Variants in KRT79 observed in about 807,000 individuals in gnomAD.
KRT79 encodes the protein keratin, type II cytoskeletal 79.
In KRT79, 51 loss-of-function variants were observed where a neutral mutation model predicts 49.0. That is an observed-to-expected ratio of 1.04 (90% CI 0.83 to 1.31). The LOEUF (loss-of-function observed/expected upper bound fraction) is 1.31, where lower values mean the gene tolerates loss of function less well. Among genes scored for constraint, KRT79 ranks in the 40% most tolerant of loss-of-function variants. The pLI, the probability that KRT79 is intolerant of heterozygous loss-of-function variation, is 0.00. For synonymous variants in KRT79, 312 were observed against 286.6 expected, an observed-to-expected ratio of 1.09 and a Z score of -0.90; for missense variants, 728 against 688.0, an observed-to-expected ratio of 1.06 and a Z score of -0.65.
intron 4 of KRT79, among the ~76,000 whole-genome samples, chr12:52,825,262 A>G (rs1940160758): frequency 6.6e-6 from 1 of 152,196 alleles, no homozygotes; most frequent in African/African-American, 2.4e-5. Context: ...GCTCCCTGAT[A>G]GGTGGAGAAC....
intron 4 of KRT79, among the ~76,000 whole-genome samples, 155 bp from the exon 5 acceptor site, chr12:52,824,517 G>C (rs1338058150): frequency 6.6e-6 from 1 of 152,190 alleles, no homozygotes; most frequent in Non-Finnish European, 1.5e-5. Flanking sequence ...GCAAGGAAAG[G>C]CCTCAGTCTC....
chr12:52,831,905 T>C (rs1940262032), intron 1 of KRT79, among the ~76,000 whole-genome samples: 1 of 152,254 alleles, frequency 6.6e-6, no homozygotes, highest in Non-Finnish European at 1.5e-5. Context: ...ATCATTTCTC[T>C]CTGAGTCTCC....
rs1397258802 is a variant in KRT79 at position 52,821,583 on chromosome 12, G to T, written c.*289C>A. 3 of 450,882 alleles carry T rather than the reference G, an allele frequency of 6.7e-6. No homozygotes were observed. Among genetic ancestry groups the T allele is most frequent in the African/African-American group, 5.9e-5 (3 of 50,424 alleles). The allele number at this position is 450,882 out of a possible 1,614,324, so 27.9% of individuals were successfully genotyped here. A position where few individuals can be genotyped will look rare whatever the true frequency, so the allele number is the denominator to read the frequency against. The stretch of plus-strand genomic sequence containing the variant: ...CTCCCAATTTCTCTCTCTCCTAATG[G>T]CTTGAGAAATTCAGCCTCCTCTCGG... On this transcript the variant is annotated 3_prime_UTR_variant, in exon 9 of 9. Coordinates refer to ENST00000330553, the MANE Select transcript of KRT79 (RefSeq NM_175834.3).
chr12:52,825,768 T>C (rs1003295724), intron 4 of KRT79, among the ~76,000 whole-genome samples: 3 of 152,168 alleles, frequency 2.0e-5, no homozygotes, highest in Admixed American at 2.0e-4. Context: ...GTTTTGGAGA[T>C]AGACAAGCCT....
rs1302815346 is a variant in KRT79, at chr12:52,833,859, C to A, written c.402G>T (p.Glu134Asp). Residue 134 changes from glutamate (E) to aspartate (D), a missense_variant, in exon 1 of 9, where the codon GAG becomes GAT. Glu to Asp is a conservative substitution (Grantham distance 45, BLOSUM62 2). Coordinates refer to ENST00000330553, the MANE Select transcript of KRT79 (RefSeq NM_175834.3). ...LTPLHVEIDP[E>D]IQRVRTQERE... ...GCTCCTGAGTGCGCACTCGCTGGATCTCGGGGTCAATCTCCACATGGAGGG... is the reference window on the plus strand; with the variant it reads ...GCTCCTGAGTGCGCACTCGCTGGATATCGGGGTCAATCTCCACATGGAGGG... The A allele has an allele frequency of 6.2e-7, 1 of 1,613,874 alleles. No individual in the cohort carries two copies. Among genetic ancestry groups the A allele is most frequent in the East Asian group, 2.2e-5 (1 of 44,850 alleles).
rs972129173 is a variant in KRT79, at chr12:52,833,045, T to C, written c.477+739A>G. On this transcript the variant is annotated intron_variant, in intron 1 of 8. Transcript: ENST00000330553. The stretch of plus-strand genomic sequence containing the variant: ...CTTGGCTCAGGATCGAGGTGGACAA[T>C]GCCAGCGAAACAGACCAGGAAATCC... Among the ~76,000 whole-genome samples, 7 of 152,274 alleles carry C rather than the reference T, an allele frequency of 4.6e-5. 1 individual carries two copies. In the East Asian group the frequency reaches 9.7e-4, roughly 21 times the overall value.
Position 52,823,919 on chromosome 12 carries a change from GCCT to G in KRT79, c.1111_1113del (p.Arg371del). 2 of 1,613,960 alleles carry G rather than the reference GCCT, an allele frequency of 1.2e-6. No homozygotes were observed. The highest frequency in any genetic ancestry group is 1.7e-6 in the Non-Finnish European group (2 of 1,179,984). On this transcript the variant is annotated inframe_deletion, in exon 6 of 9. Coordinates refer to ENST00000330553, the MANE Select transcript of KRT79 (RefSeq NM_175834.3). Reference sequence around the variant, plus strand: ...TTGGCTGCATCAGCCTCCCCCTGCAGCCTCTGGATAGTGCGGGTGAGCTCAGCA... The same window carrying G: ...TTGGCTGCATCAGCCTCCCCCTGCAGCTGGATAGTGCGGGTGAGCTCAGCA...
chr12:52,827,879 C>T (rs1940198587), intron 4 of KRT79, among the ~76,000 whole-genome samples: 1 of 152,052 alleles, frequency 6.6e-6, no homozygotes, highest in African/African-American at 2.4e-5. Flanking sequence ...AGACCTTGGC[C>T]TTGTTGGAGA....
intron 6 of KRT79, among the ~76,000 whole-genome samples, chr12:52,823,685 C>T (rs1463212832): frequency 6.6e-6 from 1 of 152,132 alleles, no homozygotes; most frequent in Non-Finnish European, 1.5e-5. Context: ...ACCTGCTCTA[C>T]CACTCATATA....
Position 52,824,014 on chromosome 12 carries a change from T to G in KRT79, c.1021-2A>C. ...AGCAGTCACCTGCAGCTCCTCATAC[T>G]GGGGACCAAAGAAGTGGCAGTGCGC... is the stretch of plus-strand genomic sequence containing the variant. On this transcript the variant is annotated splice_acceptor_variant, in intron 5 of 8. Transcript: ENST00000330553. LOFTEE classifies it high-confidence loss of function. 6.2e-7 allele frequency: 1 copy of G among 1,614,144 alleles called. No homozygotes were observed. The highest frequency in any genetic ancestry group is 8.5e-7 in the Non-Finnish European group (1 of 1,180,022).
At position 52,830,233 on chromosome 12, in the gene KRT79, T is replaced by C; in HGVS notation, c.758A>G (p.Lys253Arg). Residue 253 changes from lysine to arginine, a missense_variant and splice_region_variant, in exon 3 of 9, where the codon AAG (lysine) becomes AGG (arginine). Lys to Arg is a conservative substitution (Grantham distance 26). Coordinates refer to ENST00000330553, the MANE Select transcript of KRT79 (RefSeq NM_175834.3). ...CCTCCCCCACTCCACTCGGCTCACCTTCTTGAGCACCACAAACTCGTTCTC... is the reference window on the plus strand; with the variant it reads ...CCTCCCCCACTCCACTCGGCTCACCCTCTTGAGCACCACAAACTCGTTCTC... ...AAENEFVVLK[K>R]DVDAAYMGRM... 1.2e-6 allele frequency: 2 copies of C among 1,614,210 alleles called. No homozygotes were observed. Among genetic ancestry groups the C allele is most frequent in the Non-Finnish European group, 1.7e-6 (2 of 1,180,028 alleles).
chr12:52,829,980 T>C (rs1940227607), intron 4 of KRT79, 43 bp downstream of exon 4: 3 of 1,537,664 alleles, frequency 2.0e-6, no homozygotes, highest in Non-Finnish European at 1.8e-6. Context: ...CCCAGTGCTG[T>C]TTATAGTGTA....
rs1430007788 is a variant in KRT79 at position 52,829,297 on chromosome 12, TC to T, written c.855+725del. 7.9e-5 allele frequency among the ~76,000 whole-genome samples: 12 copies of T among 152,280 alleles called. No homozygotes were observed. The East Asian group carries it at 1.5e-3, about 20-fold the overall frequency. On this transcript the variant is annotated intron_variant, in intron 4 of 8. Transcript: ENST00000330553. The stretch of plus-strand genomic sequence containing the variant: ...CCTCACCTTCTACTCCAATCTGGAA[TC>T]CCAGTCCCTCCTCTCTGCCCATTCC...
In KRT79 at chr12:52,821,578, T is replaced by TA. The variant is rs1940087528; in HGVS notation, c.*293dup. 1 of 437,270 alleles carries TA rather than the reference T, an allele frequency of 2.3e-6. No homozygotes were observed. Among genetic ancestry groups the TA allele is most frequent in the Non-Finnish European group, 4.2e-6 (1 of 237,410 alleles). 27.1% of individuals were successfully genotyped at this position (437,270 alleles called of 1,614,324 possible). A position where few individuals can be genotyped will look rare whatever the true frequency, so the allele number is the denominator to read the frequency against. On this transcript the variant is annotated 3_prime_UTR_variant, in exon 9 of 9. Transcript: ENST00000330553. ...GACCACTCCCAATTTCTCTCTCTCC[T>TA]AATGGCTTGAGAAATTCAGCCTCCT...
At chr12:52,827,236 C>T (rs1306570817) in intron 4 of KRT79, among the ~76,000 whole-genome samples, 1 of 18,580 alleles carries the variant, frequency 5.4e-5, no homozygotes, top group East Asian at 1.4e-3. Flanking sequence ...GCCATGGCGT[C>T]CCATGTGCCT....
chr12:52,822,032 C>A lies in KRT79; in HGVS notation c.1448G>T (p.Ser483Ile), dbSNP rs148108557. ...STTVCGGGAA[S>I]FGGGISLGGS... ...ACCCAGGGAGATGCCACCTCCAAAG[C>A]TGGCTGCGCCACCTCCGCACACAGT... is the stretch of plus-strand genomic sequence containing the variant. The change falls in exon 9 of 9, where the codon AGC becomes ATC. Residue 483 changes from serine (S) to isoleucine (I), a missense_variant. Physicochemically the swap from Ser to Ile is moderately radical, Grantham distance 142. Transcript: ENST00000330553. 1,037 of 1,614,148 alleles carry A rather than the reference C, an allele frequency of 6.4e-4. 7 individuals are homozygous for A. The East Asian group carries it at 0.019, about 30-fold the overall frequency.
Position 52,821,830 on chromosome 12 carries a change from G to A in KRT79, c.*42C>T, listed in dbSNP as rs775507912. The A allele has an allele frequency of 1.3e-6, 2 of 1,569,050 alleles. No homozygotes were observed. Among genetic ancestry groups the A allele is most frequent in the East Asian group, 2.3e-5 (1 of 44,106 alleles). ...AAGGACAGCAGAGGTGGGGTGAGGAGGGCAGGGACAGGATTGCAGGGGCCC... is the reference window on the plus strand; with the variant it reads ...AAGGACAGCAGAGGTGGGGTGAGGAAGGCAGGGACAGGATTGCAGGGGCCC... On this transcript the variant is annotated 3_prime_UTR_variant, in exon 9 of 9. Coordinates refer to ENST00000330553, the MANE Select transcript of KRT79 (RefSeq NM_175834.3).
intron 4 of KRT79, among the ~76,000 whole-genome samples, chr12:52,828,505 A>T (rs1940206442): frequency 6.6e-6 from 1 of 152,228 alleles, no homozygotes; most frequent in East Asian, 1.9e-4. Flanking sequence ...TCACTAATAC[A>T]CTGGATAAAA....
chr12:52,829,553 C>T (rs989799745), intron 4 of KRT79, among the ~76,000 whole-genome samples: 6 of 152,154 alleles, frequency 3.9e-5, no homozygotes, highest in African/African-American at 1.2e-4. Context: ...AGTTTGCCCC[C>T]GTGCCTGGCC....
Sources: gnomAD v4.1 joint callset for allele counts (sites outside exome capture counted in the v4.1 genomes callset) on GRCh38, gnomAD v4.1.1 for gene constraint, MANE v1.5 for transcripts, NCBI Gene and HGNC (gene_info 2026-07-23, HGNC 2026-07-21) for gene names.